PLSCR4: variants seen among roughly 807,000 people sequenced by gnomAD.
PLSCR4 encodes the protein phospholipid scramblase 4.
In PLSCR4, 25 loss-of-function variants were observed where a neutral mutation model predicts 36.3. The observed-to-expected ratio is 0.69, with a 90% CI of 0.50 to 0.96. The LOEUF (loss-of-function observed/expected upper bound fraction) is 0.96. PLSCR4 is among the 40% of genes least tolerant of loss of function. PLSCR4 has a pLI of 0.00. For missense variants in PLSCR4, 408 were observed against 414.7 expected, an observed-to-expected ratio of 0.98 and a Z score of 0.14; for synonymous variants, 122 against 132.9, an observed-to-expected ratio of 0.92 and a Z score of 0.56.
chr3:146,250,187 T>C (rs1281714176), intron 1 of PLSCR4, among the ~76,000 whole-genome samples: 6 of 152,194 alleles, frequency 3.9e-5, no homozygotes, highest in Non-Finnish European at 5.9e-5. Flanking sequence ...TTCACAGCTA[T>C]CCATGAGAGC....
rs556296485 is a variant in PLSCR4 at position 146,224,029 on chromosome 3, A to C, written c.-21-1937T>G. 6.0e-5 allele frequency among the ~76,000 whole-genome samples: 9 copies of C among 151,250 alleles called. No homozygotes were observed. In the South Asian group the frequency reaches 1.9e-3, roughly 31 times the overall value. On this transcript the variant is annotated intron_variant, in intron 1 of 8. Coordinates refer to ENST00000354952, the MANE Select transcript of PLSCR4 (RefSeq NM_020353.3). ...GACCCAATTCTGGGCCAGTAAAAGG[A>C]GTTCAAGGGGTTAGTCATATTCCTT... is the stretch of plus-strand genomic sequence containing the variant.
At chr3:146,224,727 T>C (rs1429611675) in intron 1 of PLSCR4, among the ~76,000 whole-genome samples, 3 of 152,084 alleles carry the variant, frequency 2.0e-5, no homozygotes, top group East Asian at 1.9e-4. Context: ...TTTTATTCTC[T>C]TATCTGGCCC....
rs539371471 is a variant in PLSCR4, at chr3:146,235,398, T to C, written c.-21-13306A>G. 2.0e-5 allele frequency among the ~76,000 whole-genome samples: 3 copies of C among 152,228 alleles called. No individual in the cohort carries two copies. The East Asian group carries it at 5.8e-4, about 29-fold the overall frequency. On this transcript the variant is annotated intron_variant, in intron 1 of 8. Coordinates refer to ENST00000354952, the MANE Select transcript of PLSCR4 (RefSeq NM_020353.3). ...GCCATGTGAAGTTCTGGCTCCCCAT[T>C]TGCCTTCTGCCATGACTGTAAGTTT...
rs759804320 is a variant in PLSCR4 at position 146,196,834 on chromosome 3, A to T, written c.625-41T>A. The T allele has an allele frequency of 4.5e-6, 7 of 1,561,618 alleles. No individual in the cohort carries two copies. In the South Asian group the frequency reaches 7.8e-5, roughly 17 times the overall value. On this transcript the variant is annotated intron_variant, in intron 6 of 8. Transcript: ENST00000354952. ...TGACAGAAGTTAGGATGCTACATGC[A>T]TACACATACACTTACACATACGCAC...
chr3:146,224,190 C>G (rs993551171), intron 1 of PLSCR4, among the ~76,000 whole-genome samples: 3 of 151,990 alleles, frequency 2.0e-5, no homozygotes, highest in African/African-American at 4.8e-5. Context: ...TAACACTATT[C>G]ATATTTAAAA....
At chr3:146,225,291 T>C (rs111290383) in intron 1 of PLSCR4, among the ~76,000 whole-genome samples, 2,036 of 152,270 alleles carry the variant, frequency 0.013, 32 homozygotes, top group African/African-American at 0.04. Flanking sequence ...AGGGTGCTGA[T>C]TGGTGTATTT....
intron 1 of PLSCR4, among the ~76,000 whole-genome samples, chr3:146,228,217 CATT>C (rs1340619973): frequency 6.6e-6 from 1 of 152,148 alleles, no homozygotes; most frequent in African/African-American, 2.4e-5. Flanking sequence ...AATAAACTTG[CATT>C]ATTACTACTA....
At chr3:146,216,807 T>C (rs115001979) in intron 3 of PLSCR4, among the ~76,000 whole-genome samples, 128 of 152,292 alleles carry the variant, frequency 8.4e-4, no homozygotes, top group African/African-American at 3.0e-3. Flanking sequence ...TAGCAGCTAT[T>C]TTTAAGTCCT....
chr3:146,225,671 C>G (rs2035432829), intron 1 of PLSCR4, among the ~76,000 whole-genome samples: 1 of 151,966 alleles, frequency 6.6e-6, no homozygotes, highest in Non-Finnish European at 1.5e-5. Context: ...AGCCACTGGC[C>G]CAGGAGCTAA....
rs544952248 is a variant in PLSCR4 at position 146,227,622 on chromosome 3, A to G, written c.-21-5530T>C. 5.5e-4 allele frequency among the ~76,000 whole-genome samples: 84 copies of G among 151,948 alleles called. 5 individuals carry two copies. The Middle Eastern group carries it at 0.01, about 18-fold the overall frequency. The stretch of plus-strand genomic sequence containing the variant: ...ACAAAACTCAACAGGATTAGCTCTT[A>G]GAGTAGAGTATTTACTGGAAGCTAT... On this transcript the variant is annotated intron_variant, in intron 1 of 8. Coordinates refer to ENST00000354952, the MANE Select transcript of PLSCR4 (RefSeq NM_020353.3).
In PLSCR4 at chr3:146,229,641, A is replaced by ATTTATTTATTTT. The variant is rs372274251; in HGVS notation, c.-21-7550_-21-7549insAAAATAAATAAA. On this transcript the variant is annotated intron_variant, in intron 1 of 8. Transcript: ENST00000354952. ...TATTTATTTATTTATTTATTTATTT[A>ATTTATTTATTTT]TGAGATGGAGTCTCGCTCTGTCACC... Among the ~76,000 whole-genome samples, 26 of 132,940 alleles carry ATTTATTTATTTT rather than the reference A, an allele frequency of 2.0e-4. 1 individual carries two copies. The highest frequency in any genetic ancestry group is 4.5e-4 in the African/African-American group (15 of 33,328). The allele number at this position is 132,940 out of a possible 152,430, so 87.2% of individuals were successfully genotyped here. A position where few individuals can be genotyped will look rare whatever the true frequency, so the allele number is the denominator to read the frequency against.
At position 146,192,686 on chromosome 3, in the gene PLSCR4, G is replaced by A. The variant is rs1324108422; in HGVS notation, c.*1725C>T. 1.3e-5 allele frequency: 2 copies of A among 151,866 alleles called. No individual in the cohort carries two copies. The highest frequency in any genetic ancestry group is 4.8e-5 in the African/African-American group (2 of 41,400). 9.4% of individuals were successfully genotyped at this position (151,866 alleles called of 1,614,324 possible). A position where few individuals can be genotyped will look rare whatever the true frequency, so the allele number is the denominator to read the frequency against. On this transcript the variant is annotated 3_prime_UTR_variant, in exon 9 of 9. Coordinates refer to ENST00000354952, the MANE Select transcript of PLSCR4 (RefSeq NM_020353.3). ...AAAAGTTTATATGCTTAAACTTTCTGAATATTGTTTGTCTGATTTCCTATT... is the reference window on the plus strand; with the variant it reads ...AAAAGTTTATATGCTTAAACTTTCTAAATATTGTTTGTCTGATTTCCTATT...
At chr3:146,249,964 T>G (rs941749863) in intron 1 of PLSCR4, among the ~76,000 whole-genome samples, 2 of 152,202 alleles carry the variant, frequency 1.3e-5, no homozygotes, top group African/African-American at 4.8e-5. Flanking sequence ...AAATTAAGTA[T>G]GATGCAATTG....
chr3:146,213,363 C>T (rs1398498250), intron 3 of PLSCR4, among the ~76,000 whole-genome samples: 7 of 116,044 alleles, frequency 6.0e-5, no homozygotes, highest in Non-Finnish European at 1.2e-4. Flanking sequence ...GATGTAGTCT[C>T]AACTGTCACC....
Position 146,196,743 on chromosome 3 carries a change from A to G in PLSCR4, c.675T>C (p.His225=), listed in dbSNP as rs544662647. 4 of 1,613,940 alleles carry G rather than the reference A, an allele frequency of 2.5e-6. No individual in the cohort carries two copies. Among genetic ancestry groups the G allele is most frequent in the Non-Finnish European group, 2.5e-6 (3 of 1,179,916 alleles). ...PGVTIGFVAE[H]WNLCRAVYSI... ...TGTACACCGCCCTGCACAGGTTCCA[A>G]TGTTCCGCAACAAAGCCAATGGTGA... The change falls in exon 7 of 9, where the codon CAT becomes CAC. Residue 225 remains histidine (H), a synonymous_variant. Coordinates refer to ENST00000354952, the MANE Select transcript of PLSCR4 (RefSeq NM_020353.3).
intron 1 of PLSCR4, among the ~76,000 whole-genome samples, chr3:146,241,820 G>A (rs1022139101): frequency 2.0e-5 from 3 of 152,074 alleles, no homozygotes; most frequent in African/African-American, 4.8e-5. Context: ...CTTGTTCTCC[G>A]ACCATAATGT....
chr3:146,194,782 A>C (rs1378885327), intron 8 of PLSCR4, among the ~76,000 whole-genome samples: 1 of 152,190 alleles, frequency 6.6e-6, no homozygotes, highest in Admixed American at 6.5e-5. Context: ...TATTTCACTA[A>C]GAAATCATAG....
intron 1 of PLSCR4, among the ~76,000 whole-genome samples, chr3:146,230,662 C>T (rs1181676079): frequency 6.6e-6 from 1 of 151,916 alleles, no homozygotes; most frequent in Non-Finnish European, 1.5e-5. Flanking sequence ...GGAGAGGGAG[C>T]CTCCTGGTAA....
At chr3:146,225,809 C>T (rs528146366) in intron 1 of PLSCR4, among the ~76,000 whole-genome samples, 2 of 152,336 alleles carry the variant, frequency 1.3e-5, no homozygotes, top group East Asian at 3.9e-4. Flanking sequence ...GCGCCTCTCC[C>T]TCCACACCTC....
Sources: gnomAD v4.1 joint callset for allele counts (sites outside exome capture counted in the v4.1 genomes callset) on GRCh38, gnomAD v4.1.1 for gene constraint, MANE v1.5 for transcripts, NCBI Gene and HGNC (gene_info 2026-07-23, HGNC 2026-07-21) for gene names.